The following WWC1 variants were observed in gnomAD, a reference collection of about 807,000 sequenced individuals.
WWC1 encodes the protein WW and C2 domain containing 1.
Under a neutral mutation model 138.4 loss-of-function variants are expected in WWC1, and 55 were observed. The observed-to-expected ratio is 0.40, with a 90% CI of 0.32 to 0.50. The LOEUF (loss-of-function observed/expected upper bound fraction) is 0.50, where lower values mean the gene tolerates loss of function less well. WWC1 is among the 20% of genes least tolerant of loss of function. The probability of loss-of-function intolerance (pLI) is 0.72; values close to 1 mark genes in which losing one functional copy is unlikely to be tolerated. For missense variants in WWC1, 1,226 were observed against 1,420.4 expected (o/e 0.86, Z 2.20); for synonymous variants, 524 against 564.9 (o/e 0.93, Z 1.03).
intron 19 of WWC1, among the ~76,000 whole-genome samples, chr5:168,456,889 A>G (rs1186535416): frequency 2.0e-5 from 3 of 152,138 alleles, no homozygotes; most frequent in Non-Finnish European, 4.4e-5. Flanking sequence ...CTTTGGTGAA[A>G]TATTTATCTT....
At chr5:168,458,856 T>C (rs532371542) in intron 19 of WWC1, among the ~76,000 whole-genome samples, 1 of 152,226 alleles carries the variant, frequency 6.6e-6, no homozygotes, top group Non-Finnish European at 1.5e-5. Flanking sequence ...TATAACATAG[T>C]CTTTAACATG....
chr5:168,409,742 A>G (rs1324463413), intron 7 of WWC1, among the ~76,000 whole-genome samples, 180 bp from the exon 8 acceptor site: 2 of 152,184 alleles, frequency 1.3e-5, no homozygotes, highest in African/African-American at 4.8e-5. Flanking sequence ...CGTGGCCTGA[A>G]GGGAGGAAAG....
chr5:168,318,042 C>G (rs1299078180), intron 1 of WWC1, among the ~76,000 whole-genome samples: 1 of 152,052 alleles, frequency 6.6e-6, no homozygotes, highest in African/African-American at 2.4e-5. Flanking sequence ...TGTTGCTGCT[C>G]TCTTTGATAA....
At chr5:168,437,643 A>AAATG (rs1754354305) in intron 15 of WWC1, among the ~76,000 whole-genome samples, 1 of 152,220 alleles carries the variant, frequency 6.6e-6, no homozygotes, top group Non-Finnish European at 1.5e-5. Flanking sequence ...TGTGTTGAAT[A>AAATG]AATGAATGAA....
At chr5:168,434,203 G>T (rs770027237) in intron 15 of WWC1, among the ~76,000 whole-genome samples, 3 of 152,216 alleles carry the variant, frequency 2.0e-5, no homozygotes, top group Non-Finnish European at 4.4e-5. Flanking sequence ...TTGAAGTCTG[G>T]TCATTGCTGG....
intron 1 of WWC1, among the ~76,000 whole-genome samples, chr5:168,331,069 C>T (rs981661584): frequency 6.6e-6 from 1 of 152,116 alleles, no homozygotes; most frequent in African/African-American, 2.4e-5. Context: ...CTCACTTCAG[C>T]CTTGTATGTA....
At chr5:168,412,457 A>G (rs925022136) in intron 8 of WWC1, among the ~76,000 whole-genome samples, 5 of 152,240 alleles carry the variant, frequency 3.3e-5, no homozygotes, top group Admixed American at 1.3e-4. Flanking sequence ...TTTAAGGAGC[A>G]TTGACATAGG....
intron 1 of WWC1, among the ~76,000 whole-genome samples, chr5:168,362,739 T>C (rs1582039662): frequency 6.6e-6 from 1 of 152,074 alleles, no homozygotes; most frequent in South Asian, 2.1e-4. Flanking sequence ...CAGATAAGCA[T>C]AGAGACTCAA....
chr5:168,351,144 CA>C (rs959882089), intron 1 of WWC1, among the ~76,000 whole-genome samples: 5,343 of 105,188 alleles, frequency 0.051, 84 homozygotes, highest in South Asian at 0.08. Context: ...GACCTTGTCT[CA>C]AAAAAAAAAA....
At chr5:168,431,796 G>A (rs2152861155) in intron 15 of WWC1, among the ~76,000 whole-genome samples, 1 of 152,304 alleles carries the variant, frequency 6.6e-6, no homozygotes, top group East Asian at 1.9e-4. Context: ...CTATGGCTGT[G>A]TGGTGGCTTA....
At chr5:168,372,267 G>C (rs1015489630) in intron 2 of WWC1, among the ~76,000 whole-genome samples, 1 of 91,224 alleles carries the variant, frequency 1.1e-5, no homozygotes, top group African/African-American at 3.5e-5. Flanking sequence ...ATCCTCCAGC[G>C]GGGGAGAGTT....
chr5:168,400,161 G>T (rs558887175), intron 5 of WWC1, among the ~76,000 whole-genome samples: 7 of 148,368 alleles, frequency 4.7e-5, no homozygotes, highest in African/African-American at 1.5e-4. Context: ...CAGCTCCGTT[G>T]TGTCTTCTTC....
intron 3 of WWC1, 42 bp from the exon 4 acceptor site, chr5:168,397,682 G>C: frequency 6.2e-7 from 1 of 1,609,958 alleles, no homozygotes; most frequent in Non-Finnish European, 8.5e-7. Context: ...GCTGAAATCT[G>C]TTTCTTCTAC....
chr5:168,409,769 G>A (rs550127233), intron 7 of WWC1, among the ~76,000 whole-genome samples, 153 bp from the exon 8 acceptor site: 2 of 152,160 alleles, frequency 1.3e-5, no homozygotes, highest in African/African-American at 4.8e-5. Flanking sequence ...TGCTTAACCA[G>A]CTTCCCTGCG....
chr5:168,405,256 AG>A lies in WWC1; in HGVS notation c.591-941del, dbSNP rs1161773643. Among the ~76,000 whole-genome samples the A allele has an allele frequency of 2.6e-5, 4 of 152,182 alleles. No homozygotes were observed. In the East Asian group the frequency reaches 7.7e-4, roughly 29 times the overall value. On this transcript the variant is annotated intron_variant, in intron 5 of 22. Coordinates refer to ENST00000265293, the MANE Select transcript of WWC1 (RefSeq NM_015238.3). ...GCTTATTAAAGACTGGTTCTTGACC[AG>A]CATGATTTTGCTCCGTCTCCCTCAA...
At chr5:168,294,926 T>G (rs1769394454) in intron 1 of WWC1, among the ~76,000 whole-genome samples, 1 of 152,154 alleles carries the variant, frequency 6.6e-6, no homozygotes, top group African/African-American at 2.4e-5. Flanking sequence ...ACGCTTGGCC[T>G]TGGGTCACTG....
chr5:168,373,272 T>C (rs1287752982), intron 2 of WWC1, among the ~76,000 whole-genome samples: 3 of 152,006 alleles, frequency 2.0e-5, no homozygotes, highest in Non-Finnish European at 4.4e-5. Flanking sequence ...CTGGGAGCTG[T>C]TGGAAAAATG....
intron 2 of WWC1, among the ~76,000 whole-genome samples, chr5:168,376,413 A>C (rs1230740541): frequency 1.3e-5 from 2 of 152,196 alleles, no homozygotes; most frequent in Non-Finnish European, 2.9e-5. Flanking sequence ...CACATAATGG[A>C]GGAAGTCCTA....
At chr5:168,348,804 C>T (rs762307506) in intron 1 of WWC1, among the ~76,000 whole-genome samples, 4 of 152,128 alleles carry the variant, frequency 2.6e-5, no homozygotes, top group Non-Finnish European at 5.9e-5. Context: ...ATCCAGCCCC[C>T]ACACTGCAGC....
Sources: allele counts gnomAD v4.1 joint callset (sites outside exome capture counted in the v4.1 genomes callset), GRCh38; gene constraint gnomAD v4.1.1; transcripts MANE v1.5; gene names NCBI Gene and HGNC (gene_info 2026-07-23, HGNC 2026-07-21).